ABLIM1: variants seen among roughly 807,000 people sequenced by gnomAD.
The protein encoded by ABLIM1 is actin-binding LIM protein 1.
Under a neutral mutation model 107.0 loss-of-function variants are expected in ABLIM1, and 40 were observed. That is an observed-to-expected ratio of 0.37 (90% confidence interval 0.29 to 0.49). ABLIM1 has a LOEUF of 0.49. ABLIM1 is among the 20% of genes least tolerant of loss of function. The pLI, the probability that ABLIM1 is intolerant of heterozygous loss-of-function variation, is 0.97. For synonymous variants in ABLIM1, 357 were observed against 357.3 expected (o/e 1.00, Z 0.01); for missense variants, 857 against 1,008.5 (o/e 0.85, Z 2.04).
intron 12 of ABLIM1, among the ~76,000 whole-genome samples, chr10:114,464,249 C>A (rs4282915): frequency 3.3e-5 from 5 of 150,670 alleles, no homozygotes; most frequent in South Asian, 2.1e-4. Flanking sequence ...GCAATGGCGC[C>A]ATCTTGGCTC....
At chr10:114,467,336 T>G (rs1299102320) in intron 11 of ABLIM1, among the ~76,000 whole-genome samples, 1 of 152,192 alleles carries the variant, frequency 6.6e-6, no homozygotes, top group African/African-American at 2.4e-5. Flanking sequence ...ATTTTACATT[T>G]TAGGAATCTG....
intron 11 of ABLIM1, among the ~76,000 whole-genome samples, chr10:114,467,088 G>A (rs990590106): frequency 2.0e-5 from 3 of 152,186 alleles, no homozygotes; most frequent in South Asian, 2.1e-4. Flanking sequence ...GAACCCAGGA[G>A]GCAGAGGTTG....
At chr10:114,579,744 C>T (rs2073123467) in intron 2 of ABLIM1, among the ~76,000 whole-genome samples, 2 of 152,198 alleles carry the variant, frequency 1.3e-5, no homozygotes, top group South Asian at 4.1e-4. Context: ...ATTAAAATCC[C>T]TATTCCCTCT....
At chr10:114,473,825 C>T (rs1185014561) in intron 9 of ABLIM1, 54 bp downstream of exon 9, 13 of 1,399,296 alleles carry the variant, frequency 9.3e-6, no homozygotes, top group Admixed American at 5.3e-5. Context: ...TCTGCTATTA[C>T]AATCCACTAA....
intron 1 of ABLIM1, among the ~76,000 whole-genome samples, chr10:114,717,941 G>A (rs1264215267): frequency 7.1e-6 from 1 of 140,862 alleles, no homozygotes; most frequent in South Asian, 2.4e-4. Flanking sequence ...GGGAAGGGGA[G>A]GGGAGGGGAG....
At position 114,634,204 on chromosome 10, in the gene ABLIM1, C is replaced by T. The variant is rs536330782; in HGVS notation, c.244+23753G>A. Among the ~76,000 whole-genome samples the T allele has an allele frequency of 4.0e-5, 5 of 124,298 alleles. No individual in the cohort carries two copies. The South Asian group carries it at 1.5e-3, about 37-fold the overall frequency. 81.5% of individuals were successfully genotyped at this position (124,298 alleles called of 152,430 possible). ...CTGGAGTGCAGTGGCGCGATCTCGGCTCACTGCAAGCTCCGCCTCCCGGGT... is the reference window on the plus strand; with the variant it reads ...CTGGAGTGCAGTGGCGCGATCTCGGTTCACTGCAAGCTCCGCCTCCCGGGT... On this transcript the variant is annotated intron_variant, in intron 1 of 22. Transcript: ENST00000533213.
intron 8 of ABLIM1, among the ~76,000 whole-genome samples, chr10:114,477,451 C>G (rs2056631138): frequency 6.6e-6 from 1 of 152,086 alleles, no homozygotes; most frequent in Non-Finnish European, 1.5e-5. Context: ...AAAGTGTACA[C>G]TGGGGCTTTG....
chr10:114,788,498 G>A, the ABLIM1 span, among the ~76,000 whole-genome samples: 7 of 151,494 alleles, frequency 4.6e-5, no homozygotes, highest in East Asian at 1.2e-3. Flanking sequence ...GAAGCTGAGG[G>A]GGACGGATCA....
At chr10:114,767,155 C>T (rs1415288443) in intron 1 of ABLIM1, among the ~76,000 whole-genome samples, 3 of 152,092 alleles carry the variant, frequency 2.0e-5, no homozygotes, top group Non-Finnish European at 2.9e-5. Flanking sequence ...TTCCTAAACT[C>T]CTTCCAAAAA....
chr10:114,651,680 CT>C (rs1471439332), intron 1 of ABLIM1, among the ~76,000 whole-genome samples: 4 of 151,928 alleles, frequency 2.6e-5, no homozygotes, highest in African/African-American at 9.7e-5. Context: ...TTATTGGTAA[CT>C]ATAAATAAAA....
At chr10:114,467,479 C>G (rs1652845884) in intron 11 of ABLIM1, among the ~76,000 whole-genome samples, 1 of 152,158 alleles carries the variant, frequency 6.6e-6, no homozygotes, top group Non-Finnish European at 1.5e-5. Flanking sequence ...GAAACTTTGG[C>G]TTGATACTAG....
At chr10:114,468,996 G>A (rs1453135135) in intron 10 of ABLIM1, among the ~76,000 whole-genome samples, 2 of 145,034 alleles carry the variant, frequency 1.4e-5, no homozygotes, top group Non-Finnish European at 3.0e-5. Context: ...AGCTTGCAGT[G>A]AGCCGAGATC....
intron 9 of ABLIM1, 74 bp downstream of exon 9, chr10:114,473,805 G>T: frequency 8.4e-7 from 1 of 1,183,606 alleles, no homozygotes; most frequent in Non-Finnish European, 1.2e-6. Context: ...TTTTGTTTTG[G>T]ATTACCCATT....
Position 114,468,430 on chromosome 10 carries a change from C to A in ABLIM1, c.1276-214G>T, listed in dbSNP as rs1398784493. On this transcript the variant is annotated intron_variant, in intron 10 of 22. Transcript: ENST00000533213. ...GCTGGGACTACAGGCGCCGCCACCACCCCCAGCTACTTTTTTTGTATTTTT... is the reference window on the plus strand; with the variant it reads ...GCTGGGACTACAGGCGCCGCCACCAACCCCAGCTACTTTTTTTGTATTTTT... 2.3e-5 allele frequency among the ~76,000 whole-genome samples: 3 copies of A among 131,448 alleles called. No homozygotes were observed. The Admixed American group carries it at 2.3e-4, about 10-fold the overall frequency. 86.2% of individuals were successfully genotyped at this position (131,448 alleles called of 152,430 possible). A position where few individuals can be genotyped will look rare whatever the true frequency, so the allele number is the denominator to read the frequency against.
chr10:114,561,297 G>A (rs889683732), intron 4 of ABLIM1, among the ~76,000 whole-genome samples: 1 of 152,210 alleles, frequency 6.6e-6, no homozygotes, highest in Admixed American at 6.5e-5. Flanking sequence ...AAGAAAAGAA[G>A]GGGCAGAATG....
intron 4 of ABLIM1, among the ~76,000 whole-genome samples, chr10:114,554,857 C>G (rs907194435): frequency 6.6e-6 from 1 of 152,150 alleles, no homozygotes; most frequent in East Asian, 1.9e-4. Context: ...GATTTTGGAG[C>G]TGAAGAGCAC....
chr10:114,658,772 G>A (rs2079647688), upstream of ABLIM1, among the ~76,000 whole-genome samples: 1 of 152,124 alleles, frequency 6.6e-6, no homozygotes, highest in Non-Finnish European at 1.5e-5. Context: ...TTTTCTAGAA[G>A]GGGACCCCTC....
At chr10:114,597,817 G>A (rs374393903) in intron 2 of ABLIM1, among the ~76,000 whole-genome samples, 32 of 152,192 alleles carry the variant, frequency 2.1e-4, no homozygotes, top group South Asian at 1.0e-3. Context: ...GGGATGAAGC[G>A]ATGAAAAAGG....
intron 2 of ABLIM1, among the ~76,000 whole-genome samples, chr10:114,576,817 T>C (rs567765103): frequency 2.0e-5 from 3 of 152,358 alleles, no homozygotes; most frequent in East Asian, 3.9e-4. Flanking sequence ...TTCTTTGCAA[T>C]TTACAATTAA....
Sources: gnomAD v4.1 joint callset for allele counts (sites outside exome capture counted in the v4.1 genomes callset) on GRCh38, gnomAD v4.1.1 for gene constraint, MANE v1.5 for transcripts, NCBI Gene and HGNC (gene_info 2026-07-23, HGNC 2026-07-21) for gene names.